SESN2: variants seen among roughly 807,000 people sequenced by gnomAD.
SESN2 encodes the protein sestrin 2.
Under a neutral mutation model 56.0 loss-of-function variants are expected in SESN2, and 42 were observed. The ratio of observed to expected loss-of-function variants is 0.75; its 90% CI spans 0.59 to 0.97. SESN2 has a LOEUF of 0.97. Among genes scored for constraint, SESN2 ranks in the 50% least tolerant of loss-of-function variants. The pLI is 0.00. For synonymous variants in SESN2, 264 were observed against 267.1 expected, an observed-to-expected ratio of 0.99 and a Z score of 0.11; for missense variants, 507 against 649.4, an observed-to-expected ratio of 0.78 and a Z score of 2.38.
At position 28,279,002 on chromosome 1, in the gene SESN2, A is replaced by G. The variant is rs1177967375; in HGVS notation, c.1212-95A>G. Reference sequence around the variant, plus strand: ...TGCTTCTACCTTCTGATTTTTCTCAACACTCTGTTCTTCCCTCTGTAGGGT... The same window carrying G: ...TGCTTCTACCTTCTGATTTTTCTCAGCACTCTGTTCTTCCCTCTGTAGGGT... On this transcript the variant is annotated intron_variant, in intron 8 of 9. Transcript: ENST00000253063. 12 of 1,243,756 alleles carry G rather than the reference A, an allele frequency of 9.6e-6. No individual in the cohort carries two copies. In the Admixed American group the frequency reaches 2.2e-4, roughly 23 times the overall value. 77.0% of individuals were successfully genotyped at this position (1,243,756 alleles called of 1,614,324 possible).
rs1004217844 is a variant in SESN2, at chr1:28,282,103, T to A, written c.*1301T>A. ...GATTCCAGGCACTTTCTGTAGCAAA[T>A]GACTGTGAATTACGACTTCTCTTGC... is the stretch of plus-strand genomic sequence containing the variant. On this transcript the variant is annotated 3_prime_UTR_variant, in exon 10 of 10. Coordinates refer to ENST00000253063, the MANE Select transcript of SESN2 (RefSeq NM_031459.5). The A allele has an allele frequency of 3.3e-5, 5 of 152,266 alleles. No individual in the cohort carries two copies. The highest frequency in any genetic ancestry group is 7.3e-5 in the Non-Finnish European group (5 of 68,096). The allele number at this position is 152,266 out of a possible 1,614,324, so 9.4% of individuals were successfully genotyped here. A position where few individuals can be genotyped will look rare whatever the true frequency, so the allele number is the denominator to read the frequency against.
rs1385176427 is a variant in SESN2 at position 28,259,550 on chromosome 1, C to T, written c.-298C>T. On this transcript the variant is annotated 5_prime_UTR_variant, in exon 1 of 10. Transcript: ENST00000253063. ...GTTCCGCGGCGGGGATGCTGAGGAG[C>T]GCTGGGTCCGGGAGCAGCCCTGGCC... The T allele has an allele frequency of 6.5e-5, 21 of 324,786 alleles. No individual in the cohort carries two copies. The highest frequency in any genetic ancestry group is 1.1e-4 in the Non-Finnish European group (20 of 178,842). 20.1% of individuals were successfully genotyped at this position (324,786 alleles called of 1,614,324 possible).
intron 1 of SESN2, among the ~76,000 whole-genome samples, chr1:28,260,967 C>T (rs190165355): frequency 2.0e-4 from 31 of 152,254 alleles, no homozygotes; most frequent in Admixed American, 9.2e-4. Flanking sequence ...TTGAGGCCCA[C>T]GATGGGCTCA....
chr1:28,273,250 T>C, intron 5 of SESN2, 108 bp from the exon 6 acceptor site: 2 of 1,097,282 alleles, frequency 1.8e-6, no homozygotes, highest in Non-Finnish European at 2.5e-6. Flanking sequence ...GAGGATGCCC[T>C]GGGCCTTTGT....
intron 9 of SESN2, among the ~76,000 whole-genome samples, chr1:28,279,545 GT>G (rs995954344): frequency 1.3e-5 from 2 of 151,260 alleles, no homozygotes; most frequent in African/African-American, 4.9e-5. Context: ...ATCTCGCTGA[GT>G]TTTTTTGTTT....
chr1:28,268,074 G>A (rs1423344073), intron 1 of SESN2, among the ~76,000 whole-genome samples: 2 of 152,192 alleles, frequency 1.3e-5, no homozygotes, highest in Non-Finnish European at 2.9e-5. Context: ...AAGCCCATGG[G>A]AGGGGGAGGT....
At chr1:28,275,051 A>G (rs1192037105) in intron 8 of SESN2, 36 bp downstream of exon 8, 4 of 1,476,132 alleles carry the variant, frequency 2.7e-6, no homozygotes, top group South Asian at 2.4e-5. Flanking sequence ...GCATGTGTGC[A>G]CTGTAAGTCT....
intron 2 of SESN2, among the ~76,000 whole-genome samples, chr1:28,271,279 G>A (rs1449211477): frequency 6.6e-6 from 1 of 152,154 alleles, no homozygotes; most frequent in Non-Finnish European, 1.5e-5. Context: ...CGCCCCCATG[G>A]TTATATGCAT....
chr1:28,271,534 G>A, intron 2 of SESN2, 140 bp from the exon 3 acceptor site: 1 of 632,050 alleles, frequency 1.6e-6, no homozygotes, highest in South Asian at 1.9e-5. Flanking sequence ...TAAAATATGT[G>A]ATCCTCCCCA....
chr1:28,267,948 AG>A (rs1436511442), intron 1 of SESN2, among the ~76,000 whole-genome samples: 5 of 152,184 alleles, frequency 3.3e-5, no homozygotes, highest in Non-Finnish European at 7.3e-5. Flanking sequence ...TGTTTTTAGA[AG>A]CAAAAGCCCT....
chr1:28,260,343 C>G (rs1647330524), intron 1 of SESN2, among the ~76,000 whole-genome samples: 1 of 152,144 alleles, frequency 6.6e-6, no homozygotes, highest in South Asian at 2.1e-4. Flanking sequence ...TCCCCGCCCC[C>G]TTCCGCGGAG....
In SESN2 at chr1:28,279,146, C is replaced by T; in HGVS notation, c.1261C>T (p.Leu421Phe). The T allele has an allele frequency of 1.2e-6, 2 of 1,614,116 alleles. No homozygotes were observed. The highest frequency in any genetic ancestry group is 1.7e-5 in the Admixed American group (1 of 60,014). The change falls in exon 9 of 10, where the codon CTC becomes TTC. Residue 421 changes from leucine to phenylalanine, a missense_variant. Coordinates refer to ENST00000253063, the MANE Select transcript of SESN2 (RefSeq NM_031459.5). Reference protein sequence around the residue: ...GEVNQLLERNLKVYIKTVACY... With the variant: ...GEVNQLLERNFKVYIKTVACY... ...GGTGAACCAGCTCCTGGAGCGGAAC[C>T]TCAAGGTCTATATCAAGACAGTGGC...
chr1:28,275,935 C>T (rs997688303), intron 8 of SESN2, among the ~76,000 whole-genome samples: 3 of 151,282 alleles, frequency 2.0e-5, no homozygotes, highest in Non-Finnish European at 2.9e-5. Flanking sequence ...CACTGGAGTC[C>T]AGGAGTTCGA....
At position 28,280,770 on chromosome 1, in the gene SESN2, G is replaced by A. The variant is rs756166147; in HGVS notation, c.1411G>A (p.Ala471Thr). 9.9e-6 allele frequency: 16 copies of A among 1,613,446 alleles called. No individual in the cohort carries two copies. Among genetic ancestry groups the A allele is most frequent in the Admixed American group, 5.0e-5 (3 of 59,986 alleles). The change falls in exon 10 of 10, where the codon GCC becomes ACC. Residue 471 changes from alanine to threonine, a missense_variant. By Grantham distance (58) the Ala-to-Thr change is moderately conservative. Transcript: ENST00000253063. The stretch of plus-strand genomic sequence containing the variant: ...GCGCATGCAAGCCGCTCTGCTGTAC[G>A]CCCTCCGTGCCATCACCCGCTACAT... Reference protein sequence around the residue: ...EARMQAALLYALRAITRYMT With the variant: ...EARMQAALLYTLRAITRYMT
At chr1:28,260,728 G>C (rs751581942) in intron 1 of SESN2, among the ~76,000 whole-genome samples, 8 of 102,914 alleles carry the variant, frequency 7.8e-5, no homozygotes, top group African/African-American at 1.1e-4. Flanking sequence ...TTCGCATCCC[G>C]GCATAGCCCG....
rs947639207 is a variant in SESN2 at position 28,272,747 on chromosome 1, G to C, written c.704G>C (p.Ser235Thr). The C allele has an allele frequency of 2.5e-6, 4 of 1,612,092 alleles. No individual in the cohort carries two copies. The African/African-American group carries it at 5.3e-5, about 22-fold the overall frequency. Residue 235 changes from serine (S) to threonine (T), a missense_variant, in exon 5 of 10, where the codon AGT becomes ACT. Physicochemically the swap from Ser to Thr is moderately conservative, Grantham distance 58 (BLOSUM62 1). Coordinates refer to ENST00000253063, the MANE Select transcript of SESN2 (RefSeq NM_031459.5). ...SPAPQAPTPPSEQSSPPSRDP... is the reference protein window; with the variant it reads ...SPAPQAPTPPTEQSSPPSRDP... ...GCCCCCCAGGCACCTACACCCCCTA[G>C]TGAACAGAGCAGCCCCCCAAGCAGG...
chr1:28,273,048 C>T (rs1301457258), intron 5 of SESN2, among the ~76,000 whole-genome samples: 1 of 152,176 alleles, frequency 6.6e-6, no homozygotes. Context: ...AGGCTCAAAG[C>T]CTGTTGGTTT....
intron 1 of SESN2, among the ~76,000 whole-genome samples, chr1:28,262,474 T>C (rs1343504343): frequency 2.6e-5 from 4 of 151,114 alleles, no homozygotes; most frequent in Non-Finnish European, 4.4e-5. Context: ...CTACAAAATA[T>C]ACAAAAGTTA....
intron 7 of SESN2, 59 bp from the exon 8 acceptor site, chr1:28,274,766 G>T (rs1647963008): frequency 7.6e-7 from 1 of 1,309,436 alleles, no homozygotes; most frequent in African/African-American, 1.5e-5. Flanking sequence ...AGAGGATGGG[G>T]GTCTCTCTGG....
Sources: allele counts gnomAD v4.1 joint callset (sites outside exome capture counted in the v4.1 genomes callset), GRCh38; gene constraint gnomAD v4.1.1; transcripts MANE v1.5; gene names NCBI Gene and HGNC (gene_info 2026-07-23, HGNC 2026-07-21).